Variants in PACRG observed in about 807,000 individuals in gnomAD.
PACRG encodes the protein parkin coregulated gene protein.
Under a neutral mutation model 29.7 loss-of-function variants are expected in PACRG, and 29 were observed. The observed-to-expected ratio is 0.98, with a 90% confidence interval of 0.73 to 1.33. The LOEUF is 1.33. Among genes scored for constraint, PACRG ranks in the 40% most tolerant of loss-of-function variants. The probability of loss-of-function intolerance (pLI) is 0.00; values close to 1 mark genes in which losing one functional copy is unlikely to be tolerated. For synonymous variants in PACRG, 116 were observed against 118.7 expected, an observed-to-expected ratio of 0.98 and a Z score of 0.15; for missense variants, 279 against 316.2, an observed-to-expected ratio of 0.88 and a Z score of 0.89.
Position 162,947,648 on chromosome 6 carries a change from A to ATATG in PACRG, c.292-114502_292-114501insTATG, listed in dbSNP as rs1799341607. ...TATATATATATATATATATATATAT[A>ATATG]CACCCAAAGATTCCACCAAAAATCT... On this transcript the variant is annotated intron_variant, in intron 2 of 4. Transcript: ENST00000366888. 3.9e-5 allele frequency among the ~76,000 whole-genome samples: 2 copies of ATATG among 51,414 alleles called. 1 individual carries two copies. 33.7% of individuals were successfully genotyped at this position (51,414 alleles called of 152,430 possible).
At chr6:162,832,949 G>T (rs1788913140) in intron 2 of PACRG, among the ~76,000 whole-genome samples, 2 of 150,588 alleles carry the variant, frequency 1.3e-5, no homozygotes, top group South Asian at 2.1e-4. Context: ...ATTTCTCTTT[G>T]TTTTTTAAAA....
upstream of PACRG, chr6:162,727,892 C>G (rs572151187): frequency 6.7e-6 from 4 of 594,882 alleles, no homozygotes; most frequent in South Asian, 2.0e-5. Flanking sequence ...CCCAGCCCCC[C>G]ACCGCCGCCC....
At chr6:163,275,976 T>A (rs573681854) in intron 4 of PACRG, among the ~76,000 whole-genome samples, 42 of 150,504 alleles carry the variant, frequency 2.8e-4, no homozygotes, top group Admixed American at 7.3e-4. Flanking sequence ...GCTTTTTTTT[T>A]TTATTATTCT....
chr6:163,140,520 A>G (rs1211861643), intron 4 of PACRG, among the ~76,000 whole-genome samples: 2 of 152,212 alleles, frequency 1.3e-5, no homozygotes, highest in Non-Finnish European at 2.9e-5. Flanking sequence ...CTAGGAGTTG[A>G]GTGCAGACAG....
At chr6:163,307,366 AG>A (rs1195037918) in intron 4 of PACRG, among the ~76,000 whole-genome samples, 4 of 152,228 alleles carry the variant, frequency 2.6e-5, no homozygotes, top group African/African-American at 9.6e-5. Flanking sequence ...CTTACTTCAA[AG>A]CTTTTATCTT....
intron 2 of PACRG, among the ~76,000 whole-genome samples, chr6:162,905,177 T>C (rs1284380838): frequency 6.6e-6 from 1 of 152,144 alleles, no homozygotes; most frequent in Non-Finnish European, 1.5e-5. Context: ...AGGAAATGTC[T>C]GCAAGAGGTA....
At chr6:162,757,389 G>T (rs144216363) in intron 1 of PACRG, among the ~76,000 whole-genome samples, 2 of 152,124 alleles carry the variant, frequency 1.3e-5, no homozygotes, top group African/African-American at 4.8e-5. Flanking sequence ...TGTGGCTCAC[G>T]CCTGTAATCC....
intron 4 of PACRG, among the ~76,000 whole-genome samples, chr6:163,271,156 G>A (rs538050525): frequency 1.3e-5 from 2 of 152,072 alleles, no homozygotes; most frequent in African/African-American, 2.4e-5. Context: ...CTTCCAGCAC[G>A]GGAGAAAGAT....
At chr6:162,961,788 C>G (rs1388622068) in intron 2 of PACRG, among the ~76,000 whole-genome samples, 1 of 152,164 alleles carries the variant, frequency 6.6e-6, no homozygotes, top group Non-Finnish European at 1.5e-5. Context: ...ATCCATACCC[C>G]AAGCCAGGAT....
chr6:163,026,366 G>GT (rs1807132330), intron 2 of PACRG, among the ~76,000 whole-genome samples: 2 of 152,154 alleles, frequency 1.3e-5, no homozygotes, highest in African/African-American at 4.8e-5. Context: ...TTTTGGTGCA[G>GT]TTTAACTATG....
intron 4 of PACRG, among the ~76,000 whole-genome samples, chr6:163,126,863 T>C (rs1024137157): frequency 2.0e-5 from 3 of 152,228 alleles, no homozygotes; most frequent in African/African-American, 7.2e-5. Flanking sequence ...CTGGCAGGTG[T>C]TGACCCGAAG....
intron 2 of PACRG, among the ~76,000 whole-genome samples, chr6:162,831,922 G>C (rs145819908): frequency 0.019 from 2,891 of 152,190 alleles, 88 homozygotes; most frequent in African/African-American, 0.065. Context: ...TGGGCATTTG[G>C]GTTGATTCCA....
chr6:162,923,312 C>T (rs1797198551), intron 2 of PACRG, among the ~76,000 whole-genome samples: 1 of 152,112 alleles, frequency 6.6e-6, no homozygotes, highest in Non-Finnish European at 1.5e-5. Flanking sequence ...ATATTTTCTC[C>T]TATTCTGCAG....
chr6:162,944,772 C>T (rs904503484), intron 2 of PACRG, among the ~76,000 whole-genome samples: 1 of 150,856 alleles, frequency 6.6e-6, no homozygotes, highest in African/African-American at 2.4e-5. Context: ...ATAACCCAGT[C>T]AGACAAAAAA....
chr6:162,776,192 A>G (rs1046410427), intron 1 of PACRG, among the ~76,000 whole-genome samples: 1 of 152,242 alleles, frequency 6.6e-6, no homozygotes, highest in Non-Finnish European at 1.5e-5. Flanking sequence ...CAGCAATTAC[A>G]TAATGTCATT....
At chr6:162,904,026 G>A (rs1795758461) in intron 2 of PACRG, among the ~76,000 whole-genome samples, 1 of 152,192 alleles carries the variant, frequency 6.6e-6, no homozygotes, top group African/African-American at 2.4e-5. Flanking sequence ...GCACTCTTGA[G>A]TCCGAAATCC....
At chr6:163,196,291 C>T (rs1357021982) in intron 4 of PACRG, among the ~76,000 whole-genome samples, 1 of 152,210 alleles carries the variant, frequency 6.6e-6, no homozygotes, top group Non-Finnish European at 1.5e-5. Flanking sequence ...CTGCTAATGA[C>T]ACCGTCGTCC....
chr6:163,036,103 C>T (rs1808161554), intron 2 of PACRG, among the ~76,000 whole-genome samples: 1 of 152,236 alleles, frequency 6.6e-6, no homozygotes, highest in African/African-American at 2.4e-5. Context: ...CTGCTCAGAT[C>T]TGCTGAATTG....
At chr6:163,258,039 TA>T (rs1330779034) in intron 4 of PACRG, among the ~76,000 whole-genome samples, 3 of 152,186 alleles carry the variant, frequency 2.0e-5, no homozygotes, top group Non-Finnish European at 4.4e-5. Flanking sequence ...TATACCTCTT[TA>T]TTTTTTTATG....
Sources: allele counts gnomAD v4.1 joint callset (sites outside exome capture counted in the v4.1 genomes callset), GRCh38; gene constraint gnomAD v4.1.1; transcripts MANE v1.5; gene names NCBI Gene and HGNC (gene_info 2026-07-23, HGNC 2026-07-21).